Variants in GABRG2 observed in about 807,000 individuals in gnomAD.
The protein encoded by GABRG2 is gamma-aminobutyric acid receptor subunit gamma-2.
GABRG2 carries 16 observed loss-of-function variants against 56.4 expected under a neutral mutation model. The ratio of observed to expected loss-of-function variants is 0.28; its 90% CI spans 0.19 to 0.43. The LOEUF (loss-of-function observed/expected upper bound fraction) is 0.43, where lower values mean the gene tolerates loss of function less well. GABRG2 is among the 20% of genes least tolerant of loss of function. The probability of loss-of-function intolerance (pLI) is 1.00; values close to 1 mark genes in which losing one functional copy is unlikely to be tolerated. For synonymous variants in GABRG2, 208 were observed against 205.5 expected (o/e 1.01, Z -0.10); for missense variants, 327 against 582.7 (o/e 0.56, Z 4.52).
chr5:162,081,360 T>C (rs1430898087), intron 1 of GABRG2, among the ~76,000 whole-genome samples: 1 of 152,070 alleles, frequency 6.6e-6, no homozygotes, highest in African/African-American at 2.4e-5. Context: ...ACAGCATAAT[T>C]GACCTCTTCG....
intron 6 of GABRG2, among the ~76,000 whole-genome samples, chr5:162,132,761 T>G (rs1011453452): frequency 3.3e-5 from 5 of 152,056 alleles, no homozygotes; most frequent in African/African-American, 1.2e-4. Flanking sequence ...ACTATTTCCA[T>G]TGAACCATGA....
chr5:162,099,106 C>T (rs1457225383), intron 4 of GABRG2: 1 of 151,966 alleles, frequency 6.6e-6, no homozygotes, highest in Non-Finnish European at 1.5e-5. Flanking sequence ...TGTGCTTGCT[C>T]AACATACAAA....
Position 162,093,085 on chromosome 5 carries a change from T to C in GABRG2, c.108-743T>C, listed in dbSNP as rs1465621075. Among the ~76,000 whole-genome samples the C allele has an allele frequency of 2.0e-5, 3 of 152,162 alleles. No homozygotes were observed. In the East Asian group the frequency reaches 5.8e-4, roughly 29 times the overall value. The stretch of plus-strand genomic sequence containing the variant: ...ATAGGTTTGGGCATAGTGAATATAA[T>C]GAAAGAATATTATGTGGCTTTTTGA... On this transcript the variant is annotated intron_variant, in intron 1 of 9. Coordinates refer to ENST00000639213, the MANE Select transcript of GABRG2 (RefSeq NM_198904.4).
intron 1 of GABRG2, among the ~76,000 whole-genome samples, chr5:162,080,386 T>C (rs751719280): frequency 6.6e-6 from 1 of 151,788 alleles, no homozygotes; most frequent in Admixed American, 6.6e-5. Flanking sequence ...AGCATGAAAA[T>C]GTTGAAGGGA....
intron 6 of GABRG2, 71 bp downstream of exon 6, chr5:162,104,097 G>C: frequency 7.0e-7 from 1 of 1,418,780 alleles, no homozygotes; most frequent in Non-Finnish European, 1.0e-6. Flanking sequence ...TGAATTAGAA[G>C]ATTTTTCAAT....
chr5:162,146,703 T>C (rs1764974621), intron 7 of GABRG2, among the ~76,000 whole-genome samples: 1 of 152,178 alleles, frequency 6.6e-6, no homozygotes, highest in East Asian at 1.9e-4. Context: ...AGTGTATAGA[T>C]TAGAAAGGGA....
chr5:162,124,556 G>T (rs1330491118), intron 6 of GABRG2, among the ~76,000 whole-genome samples: 1 of 151,536 alleles, frequency 6.6e-6, no homozygotes, highest in African/African-American at 2.4e-5. Flanking sequence ...TTTGTTTTTT[G>T]ATTTTGTTTG....
intron 1 of GABRG2, among the ~76,000 whole-genome samples, chr5:162,077,582 T>C (rs1019543007): frequency 6.6e-6 from 1 of 152,216 alleles, no homozygotes; most frequent in Non-Finnish European, 1.5e-5. Context: ...TAAGTTACTT[T>C]AAGTCATTGC....
At chr5:162,122,992 T>G (rs924230509) in intron 6 of GABRG2, among the ~76,000 whole-genome samples, 1 of 151,774 alleles carries the variant, frequency 6.6e-6, no homozygotes, top group Admixed American at 6.6e-5. Flanking sequence ...TGCTATAATA[T>G]CTTGCACTAT....
chr5:162,121,965 A>T (rs965087623), intron 6 of GABRG2, among the ~76,000 whole-genome samples: 1 of 152,080 alleles, frequency 6.6e-6, no homozygotes, highest in African/African-American at 2.4e-5. Flanking sequence ...GAAACTATGC[A>T]TGCATAAATA....
At chr5:162,071,057 C>T (rs903251127) in intron 1 of GABRG2, among the ~76,000 whole-genome samples, 1 of 151,226 alleles carries the variant, frequency 6.6e-6, no homozygotes, top group Non-Finnish European at 1.5e-5. Flanking sequence ...ATACATATAA[C>T]AAAGCATAAG....
At chr5:162,119,595 C>T (rs1762850227) in intron 6 of GABRG2, among the ~76,000 whole-genome samples, 1 of 151,966 alleles carries the variant, frequency 6.6e-6, no homozygotes, top group South Asian at 2.1e-4. Context: ...CTTGAGCAGC[C>T]CACAGTCCAA....
chr5:162,085,391 C>G (rs1431463895), intron 1 of GABRG2, among the ~76,000 whole-genome samples: 3 of 151,730 alleles, frequency 2.0e-5, no homozygotes, highest in African/African-American at 7.3e-5. Flanking sequence ...GAGAAATATT[C>G]CAGTTTAATA....
Position 162,129,766 on chromosome 5 carries a change from A to G in GABRG2, c.770-12398A>G, listed in dbSNP as rs568081640. On this transcript the variant is annotated intron_variant, in intron 6 of 9. Coordinates refer to ENST00000639213, the MANE Select transcript of GABRG2 (RefSeq NM_198904.4). ...TCCTTAAATTTCAAAAATAAATTTT[A>G]GAGCTTCCACTGTTAAAATTTGATA... Among the ~76,000 whole-genome samples, 11 of 152,142 alleles carry G rather than the reference A, an allele frequency of 7.2e-5. No homozygotes were observed. The South Asian group carries it at 1.7e-3, about 23-fold the overall frequency.
chr5:162,132,522 A>C (rs1223105518), intron 6 of GABRG2, among the ~76,000 whole-genome samples: 1 of 152,004 alleles, frequency 6.6e-6, no homozygotes, highest in African/African-American at 2.4e-5. Context: ...CAACTCTGAC[A>C]AATCAATTAT....
chr5:162,141,263 TC>T (rs1345699812), intron 6 of GABRG2, among the ~76,000 whole-genome samples: 1 of 152,156 alleles, frequency 6.6e-6, no homozygotes, highest in African/African-American at 2.4e-5. Context: ...GGTCTCGATT[TC>T]CTGACCTCAT....
chr5:162,070,143 T>A (rs1758555395), intron 1 of GABRG2, among the ~76,000 whole-genome samples: 1 of 152,178 alleles, frequency 6.6e-6, no homozygotes, highest in Admixed American at 6.5e-5. Flanking sequence ...ACAAAGTAAA[T>A]TTGATGATAC....
rs1452669998 is a variant in GABRG2, at chr5:162,068,074, G to A, written c.75G>A (p.Val25=). 3.1e-6 allele frequency: 5 copies of A among 1,613,274 alleles called. No homozygotes were observed. In the Admixed American group the frequency reaches 6.7e-5, roughly 22 times the overall value. ...CTGTATTTTCACAGAAAATGACGGT[G>A]TGGATTCTGCTCCTGCTGTCGCTCT... ...STPVFSQKMT[V]WILLLLSLYP... is the part of the protein sequence containing the mutation. The change falls in exon 1 of 10, where the codon GTG becomes GTA. Residue 25 remains valine (V), a synonymous_variant. Transcript: ENST00000639213.
At chr5:162,104,249 A>T (rs1354451847) in intron 6 of GABRG2, among the ~76,000 whole-genome samples, 1 of 152,178 alleles carries the variant, frequency 6.6e-6, no homozygotes, top group Non-Finnish European at 1.5e-5. Context: ...TGGATTAGTA[A>T]ATTATTCCCT....
Sources: gnomAD v4.1 joint callset for allele counts (sites outside exome capture counted in the v4.1 genomes callset) on GRCh38, gnomAD v4.1.1 for gene constraint, MANE v1.5 for transcripts, NCBI Gene and HGNC (gene_info 2026-07-23, HGNC 2026-07-21) for gene names.